RGS7BP: variants seen among roughly 807,000 people sequenced by gnomAD.
The protein encoded by RGS7BP is regulator of G protein signaling 7 binding protein, also known as regulator of G protein signaling 7-binding protein.
A neutral mutation model predicts 31.3 loss-of-function variants in RGS7BP; 9 were observed. The ratio of observed to expected loss-of-function variants is 0.29; its 90% CI spans 0.17 to 0.50. The LOEUF is 0.50. Ranked by LOEUF, RGS7BP falls within the 20% of genes least tolerant of loss-of-function variation. RGS7BP has a pLI of 0.98. For synonymous variants in RGS7BP, 115 were observed against 120.1 expected (o/e 0.96, Z 0.28); for missense variants, 274 against 322.0 (o/e 0.85, Z 1.14).
chr5:64,536,796 T>G (rs1451154578), intron 2 of RGS7BP, among the ~76,000 whole-genome samples: 2 of 152,292 alleles, frequency 1.3e-5, no homozygotes, highest in South Asian at 4.1e-4. Context: ...TCCAAACCTG[T>G]TTTTGCCACA....
At chr5:64,579,543 CAAAAAAAAAAAAAAA>C (rs34003776) in intron 3 of RGS7BP, among the ~76,000 whole-genome samples, 1 of 53,310 alleles carries the variant, frequency 1.9e-5, no homozygotes, top group African/African-American at 8.4e-5. Flanking sequence ...GACTCCATCT[CAAAAAAAAAAAAAAA>C]AAAAAAAAAA....
At chr5:64,521,030 G>A (rs1001074393) in intron 2 of RGS7BP, among the ~76,000 whole-genome samples, 6 of 152,336 alleles carry the variant, frequency 3.9e-5, no homozygotes, top group African/African-American at 1.4e-4. Context: ...CACAAATGGT[G>A]TTTAAAATCA....
intron 3 of RGS7BP, among the ~76,000 whole-genome samples, chr5:64,585,396 G>A (rs1742716123): frequency 6.6e-6 from 1 of 152,016 alleles, no homozygotes; most frequent in African/African-American, 2.4e-5. Context: ...GCCTTCCATT[G>A]TCACTGGCAA....
intron 2 of RGS7BP, among the ~76,000 whole-genome samples, chr5:64,560,380 T>C (rs958368538): frequency 1.2e-4 from 19 of 152,190 alleles, no homozygotes; most frequent in African/African-American, 4.3e-4. Context: ...CAAGTGATTC[T>C]GATGCACATT....
chr5:64,528,634 A>G (rs1249299649), intron 2 of RGS7BP, among the ~76,000 whole-genome samples: 2 of 151,954 alleles, frequency 1.3e-5, no homozygotes, highest in African/African-American at 2.4e-5. Context: ...CAACATGGTG[A>G]AACCCCGTCT....
intron 2 of RGS7BP, among the ~76,000 whole-genome samples, chr5:64,513,639 A>G (rs943660821): frequency 5.9e-5 from 9 of 152,156 alleles, no homozygotes; most frequent in African/African-American, 2.2e-4. Flanking sequence ...GTGACCATGG[A>G]AGCAGCTCTC....
chr5:64,536,011 A>C (rs994808650), intron 2 of RGS7BP, among the ~76,000 whole-genome samples: 1 of 152,188 alleles, frequency 6.6e-6, no homozygotes, highest in African/African-American at 2.4e-5. Context: ...ACAGGTGCCA[A>C]TTTAAGTCTG....
intron 2 of RGS7BP, among the ~76,000 whole-genome samples, chr5:64,556,203 T>A (rs960617199): frequency 7.9e-5 from 12 of 152,058 alleles, no homozygotes; most frequent in Non-Finnish European, 1.6e-4. Context: ...TATCAAATGA[T>A]ATATCTCACT....
At chr5:64,606,803 T>C (rs1743377093) in intron 5 of RGS7BP, among the ~76,000 whole-genome samples, 1 of 152,154 alleles carries the variant, frequency 6.6e-6, no homozygotes, top group African/African-American at 2.4e-5. Flanking sequence ...GTTTCTTAAC[T>C]ATTGGGAGCA....
At chr5:64,581,736 T>C (rs1057061073) in intron 3 of RGS7BP, among the ~76,000 whole-genome samples, 5 of 152,256 alleles carry the variant, frequency 3.3e-5, no homozygotes, top group Non-Finnish European at 5.9e-5. Context: ...ATATCTTCAA[T>C]GGATTTTCAT....
chr5:64,590,662 G>A (rs1742889446), intron 3 of RGS7BP, among the ~76,000 whole-genome samples: 1 of 152,126 alleles, frequency 6.6e-6, no homozygotes, highest in Non-Finnish European at 1.5e-5. Context: ...TTCCTTTGCA[G>A]TGGATTCAAA....
intron 2 of RGS7BP, among the ~76,000 whole-genome samples, chr5:64,510,302 C>G (rs1475084011): frequency 6.6e-6 from 1 of 152,170 alleles, no homozygotes. Context: ...GATTCAGCCC[C>G]ATGTTTGCAT....
Position 64,507,788 on chromosome 5 carries a change from C to T in RGS7BP, c.243C>T (p.Cys81=). The change falls in exon 2 of 6, where the codon TGC becomes TGT. Residue 81 remains cysteine (C), a synonymous_variant. Coordinates refer to ENST00000334025, the MANE Select transcript of RGS7BP (RefSeq NM_001029875.3). ...VISIGDVSVS[C]PSLRAEMHKT... is the part of the protein sequence containing the mutation. The stretch of plus-strand genomic sequence containing the variant: ...CTATTGGGGATGTCTCGGTCAGCTG[C>T]CCCTCACTCCGGGCGGAAATGCACA... 1.2e-6 allele frequency: 2 copies of T among 1,614,002 alleles called. No homozygotes were observed. The highest frequency in any genetic ancestry group is 1.7e-6 in the Non-Finnish European group (2 of 1,179,956).
At chr5:64,595,006 G>C (rs1262911444) in intron 4 of RGS7BP, 149 bp downstream of exon 4, 5 of 794,410 alleles carry the variant, frequency 6.3e-6, no homozygotes, top group Non-Finnish European at 7.9e-6. Flanking sequence ...AGGGACCCTG[G>C]AGACTGCCTA....
chr5:64,544,688 A>G (rs987981445), intron 2 of RGS7BP, among the ~76,000 whole-genome samples: 3 of 152,024 alleles, frequency 2.0e-5, no homozygotes, highest in African/African-American at 4.8e-5. Context: ...GAAGAAGAAG[A>G]AAAAAAGACC....
chr5:64,515,412 ATAAAG>A (rs1255143382), intron 2 of RGS7BP, among the ~76,000 whole-genome samples: 1 of 152,240 alleles, frequency 6.6e-6, no homozygotes, highest in Non-Finnish European at 1.5e-5. Flanking sequence ...AGGATTACTC[ATAAAG>A]TAATTATATT....
chr5:64,508,909 G>C (rs573720344), intron 2 of RGS7BP, among the ~76,000 whole-genome samples: 1 of 152,234 alleles, frequency 6.6e-6, no homozygotes, highest in East Asian at 1.9e-4. Context: ...AGTTTATAAA[G>C]ATTGGAAAGC....
At chr5:64,531,151 T>C (rs1017732052) in intron 2 of RGS7BP, among the ~76,000 whole-genome samples, 1 of 152,212 alleles carries the variant, frequency 6.6e-6, no homozygotes, top group African/African-American at 2.4e-5. Context: ...TAGTGGACAT[T>C]GTACACCCTC....
At chr5:64,598,806 C>T (rs1382256826) in intron 5 of RGS7BP, among the ~76,000 whole-genome samples, 1 of 152,188 alleles carries the variant, frequency 6.6e-6, no homozygotes, top group Non-Finnish European at 1.5e-5. Context: ...ATATTGAGAA[C>T]TTACAGCATG....
Sources: gnomAD v4.1 joint callset for allele counts (sites outside exome capture counted in the v4.1 genomes callset) on GRCh38, gnomAD v4.1.1 for gene constraint, MANE v1.5 for transcripts, NCBI Gene and HGNC (gene_info 2026-07-23, HGNC 2026-07-21) for gene names.